Variants in ANKRD11 observed in about 807,000 individuals in gnomAD.
ANKRD11 encodes the protein ankyrin repeat domain 11.
A neutral mutation model predicts 195.7 loss-of-function variants in ANKRD11; 17 were observed. That is an observed-to-expected ratio of 0.09 (90% CI 0.06 to 0.13). The LOEUF (loss-of-function observed/expected upper bound fraction) is 0.13, where lower values mean the gene tolerates loss of function less well. Ranked by LOEUF, ANKRD11 falls within the 10% of genes least tolerant of loss-of-function variation. The pLI, the probability that ANKRD11 is intolerant of heterozygous loss-of-function variation, is 1.00. For missense variants in ANKRD11, 3,735 were observed against 3,566.1 expected (o/e 1.05, Z -1.21); for synonymous variants, 1,953 against 1,528.1 (o/e 1.28, Z -6.49).
intron 2 of ANKRD11, among the ~76,000 whole-genome samples, chr16:89,409,996 C>T (rs535955043): frequency 9.9e-5 from 15 of 152,086 alleles, no homozygotes; most frequent in East Asian, 1.9e-4. Flanking sequence ...CCCGCCACCA[C>T]GCCCGGCTAA....
At chr16:89,269,783 A>T (rs905187069) in intron 12 of ANKRD11, among the ~76,000 whole-genome samples, 2 of 152,054 alleles carry the variant, frequency 1.3e-5, no homozygotes, top group Non-Finnish European at 2.9e-5. Flanking sequence ...TTTACTAGAG[A>T]CGAGGTTTCA....
chr16:89,302,049 G>A (rs1355649256), intron 4 of ANKRD11, among the ~76,000 whole-genome samples: 1 of 152,212 alleles, frequency 6.6e-6, no homozygotes, highest in Non-Finnish European at 1.5e-5. Context: ...CCAGAGAAGA[G>A]TCTCTTGTCT....
At chr16:89,369,127 G>C (rs926831541) in intron 2 of ANKRD11, among the ~76,000 whole-genome samples, 1 of 152,044 alleles carries the variant, frequency 6.6e-6, no homozygotes, top group African/African-American at 2.4e-5. Context: ...ATCTACCCTA[G>C]AAAGGACCAA....
intron 1 of ANKRD11, among the ~76,000 whole-genome samples, chr16:89,475,762 G>T (rs149588506): frequency 6.0e-4 from 91 of 152,108 alleles, no homozygotes; most frequent in Non-Finnish European, 1.1e-3. Context: ...GAAAACAACT[G>T]ACCCCGGCCA....
At chr16:89,327,917 T>C (rs1220266790) in intron 2 of ANKRD11, among the ~76,000 whole-genome samples, 2 of 152,214 alleles carry the variant, frequency 1.3e-5, no homozygotes, top group Non-Finnish European at 2.9e-5. Flanking sequence ...CTTTTGCTCT[T>C]TGAAAGACCT....
intron 2 of ANKRD11, among the ~76,000 whole-genome samples, chr16:89,410,131 G>C (rs953437381): frequency 1.3e-5 from 2 of 152,126 alleles, no homozygotes; most frequent in African/African-American, 4.8e-5. Flanking sequence ...GAGCCACCGC[G>C]TCCAGCCTCA....
At chr16:89,413,985 G>A (rs530895206) in intron 2 of ANKRD11, among the ~76,000 whole-genome samples, 1 of 152,162 alleles carries the variant, frequency 6.6e-6, no homozygotes, top group South Asian at 2.1e-4. Context: ...GAGGGGGCTC[G>A]GCTCTGGCTG....
chr16:89,313,604 T>C (rs1005771292), intron 3 of ANKRD11: 1 of 1,288,540 alleles, frequency 7.8e-7, no homozygotes, highest in Non-Finnish European at 1.0e-6. Context: ...AAATATATTG[T>C]TTTTGATAAC....
At chr16:89,327,119 C>A (rs2037779075) in intron 2 of ANKRD11, among the ~76,000 whole-genome samples, 1 of 152,070 alleles carries the variant, frequency 6.6e-6, no homozygotes, top group Non-Finnish European at 1.5e-5. Flanking sequence ...GTTGGAAATG[C>A]AGAGGGCACC....
intron 2 of ANKRD11, among the ~76,000 whole-genome samples, chr16:89,376,159 G>C (rs1597833724): frequency 6.6e-6 from 1 of 152,216 alleles, no homozygotes; most frequent in East Asian, 1.9e-4. Context: ...ATATGAAAAT[G>C]TGTGGGTGCA....
chr16:89,326,816 A>C lies in ANKRD11; in HGVS notation c.-59-9738T>G, dbSNP rs143431463. 4.4e-3 allele frequency among the ~76,000 whole-genome samples: 668 copies of C among 152,332 alleles called. 6 individuals are homozygous for C. Among genetic ancestry groups the C allele is most frequent in the African/African-American group, 0.016 (648 of 41,578 alleles). The stretch of plus-strand genomic sequence containing the variant: ...GTGCTTGGCCCAGAGCAGTGCCCCA[A>C]AGCATCTCCTAAGAAAGGGGCTTAA... On this transcript the variant is annotated intron_variant, in intron 2 of 12. Coordinates refer to ENST00000301030, the MANE Select transcript of ANKRD11 (RefSeq NM_013275.6).
intron 1 of ANKRD11, among the ~76,000 whole-genome samples, chr16:89,434,603 G>A (rs535094057): frequency 1.1e-3 from 169 of 152,282 alleles, no homozygotes; most frequent in African/African-American, 3.9e-3. Context: ...AAGCTGGCCC[G>A]ACAATCCATG....
intron 3 of ANKRD11, among the ~76,000 whole-genome samples, chr16:89,314,947 G>A (rs1485427991): frequency 2.6e-5 from 4 of 152,130 alleles, no homozygotes; most frequent in African/African-American, 7.2e-5. Context: ...AGACCCTCAA[G>A]GGCACAACCC....
At chr16:89,409,400 TC>T (rs2042032173) in intron 2 of ANKRD11, among the ~76,000 whole-genome samples, 1 of 152,224 alleles carries the variant, frequency 6.6e-6, no homozygotes, top group Admixed American at 6.5e-5. Context: ...CTCAGGCCAT[TC>T]TTCCTCCGTG....
At chr16:89,435,307 C>A (rs1457258012) in intron 1 of ANKRD11, among the ~76,000 whole-genome samples, 1 of 152,192 alleles carries the variant, frequency 6.6e-6, no homozygotes, top group Non-Finnish European at 1.5e-5. Flanking sequence ...ATGGACCAAT[C>A]AGCAGTACGT....
chr16:89,456,535 T>G (rs929581307), intron 1 of ANKRD11, among the ~76,000 whole-genome samples: 2 of 137,614 alleles, frequency 1.5e-5, no homozygotes, highest in African/African-American at 5.5e-5. Context: ...AGAGCAAGAC[T>G]CCGTTTCAAA....
intron 2 of ANKRD11, among the ~76,000 whole-genome samples, chr16:89,341,354 T>C (rs901109186): frequency 6.6e-6 from 1 of 152,132 alleles, no homozygotes; most frequent in Admixed American, 6.6e-5. Context: ...AAGCAGACAA[T>C]TTAAGTTGTA....
Position 89,470,107 on chromosome 16 carries a change from C to T in ANKRD11, c.-145+20138G>A, listed in dbSNP as rs4785566. 4.7e-4 allele frequency among the ~76,000 whole-genome samples: 72 copies of T among 151,618 alleles called. No homozygotes were observed. In the East Asian group the frequency reaches 0.011, roughly 23 times the overall value. ...ATTTTTAGTAGAGACGGGGTTTCAC[C>T]GTGTTAGCCAGGATGGTCTCCGTGT... On this transcript the variant is annotated intron_variant, in intron 1 of 12. Transcript: ENST00000301030.
intron 3 of ANKRD11, among the ~76,000 whole-genome samples, chr16:89,306,236 G>A (rs1401803697): frequency 8.3e-5 from 4 of 48,420 alleles, no homozygotes; most frequent in African/African-American, 3.9e-4. Context: ...CCGCAGACAC[G>A]CGCCACCTCC....
Sources: gnomAD v4.1 joint callset for allele counts (sites outside exome capture counted in the v4.1 genomes callset) on GRCh38, gnomAD v4.1.1 for gene constraint, MANE v1.5 for transcripts, NCBI Gene and HGNC (gene_info 2026-07-23, HGNC 2026-07-21) for gene names.